Variants in SIX5 observed in about 807,000 individuals in gnomAD.
The protein encoded by SIX5 is homeobox protein SIX5.
A neutral mutation model predicts 37.1 loss-of-function variants in SIX5; 21 were observed. The ratio of observed to expected loss-of-function variants is 0.57; its 90% confidence interval spans 0.40 to 0.81. The LOEUF is 0.81. SIX5 is among the 40% of genes least tolerant of loss of function. The probability of loss-of-function intolerance (pLI) is 0.00; values close to 1 mark genes in which losing one functional copy is unlikely to be tolerated. For missense variants in SIX5, 1,137 were observed against 1,025.1 expected, an observed-to-expected ratio of 1.11 and a Z score of -1.49; for synonymous variants, 626 against 505.9, an observed-to-expected ratio of 1.24 and a Z score of -3.19.
rs1217748895 is a variant in SIX5, at chr19:45,766,095, G to A, written c.1626C>T (p.Ala542=). ...CGATGGGGCTGCCAGACACAGGGTT[G>A]GCCAGGAGGAAGTTTCCTGTGGGGA... ...SATAPGNFLL[A]NPVSGSPIVT... is the part of the protein sequence containing the mutation. The change falls in exon 3 of 3, where the codon GCC becomes GCT. Residue 542 remains alanine, a synonymous_variant. Coordinates refer to ENST00000317578, the MANE Select transcript of SIX5 (RefSeq NM_175875.5). The A allele has an allele frequency of 6.2e-7, 1 of 1,611,754 alleles. No homozygotes were observed. The highest frequency in any genetic ancestry group is 1.1e-5 in the South Asian group (1 of 90,708).
In SIX5 at chr19:45,765,320, C is replaced by T. The variant is rs1969046039; in HGVS notation, c.*181G>A. On this transcript the variant is annotated 3_prime_UTR_variant, in exon 3 of 3. Coordinates refer to ENST00000317578, the MANE Select transcript of SIX5 (RefSeq NM_175875.5). ...CCTCCCATCCAAAGGGGGATGGAGA[C>T]CTGGACAGGAGGTGGCCGGGGATAC... is the stretch of plus-strand genomic sequence containing the variant. The T allele has an allele frequency of 3.8e-5, 31 of 818,186 alleles. No individual in the cohort carries two copies. In the South Asian group the frequency reaches 4.1e-4, roughly 11 times the overall value. The allele number at this position is 818,186 out of a possible 1,614,324, so 50.7% of individuals were successfully genotyped here.
chr19:45,766,063 C>A lies in SIX5; in HGVS notation c.1658G>T (p.Gly553Val). The part of the protein sequence containing the change: ...NPVSGSPIVT[G>V]VALQQGKIIL... ...GATCTTGCCCTGCTGCAGGGCCACACCCGTCACGATGGGGCTGCCAGACAC... is the reference window on the plus strand; with the variant it reads ...GATCTTGCCCTGCTGCAGGGCCACAACCGTCACGATGGGGCTGCCAGACAC... Residue 553 changes from glycine to valine, a missense_variant, in exon 3 of 3, where the codon GGT becomes GTT. This residue lies in a region of SIX5 where 787 missense variants were observed against 621.4 expected (regional missense o/e 1.27). Transcript: ENST00000317578. 6.2e-7 allele frequency: 1 copy of A among 1,611,966 alleles called. No homozygotes were observed. Among genetic ancestry groups the A allele is most frequent in the Non-Finnish European group, 8.5e-7 (1 of 1,179,264 alleles).
In SIX5 at chr19:45,766,533, G is replaced by T. The variant is rs1337796364; in HGVS notation, c.1426C>A (p.Pro476Thr). The part of the protein sequence containing the change: ...LSPTSPLLNL[P>T]QVVPTSQVVT... The stretch of plus-strand genomic sequence containing the variant: ...ACCTGTGAGGTGGGTACTACCTGGG[G>T]CAGGTTCAATAGTGGGGAGGTGGGG... The change falls in exon 2 of 3, where the codon CCC (proline) becomes ACC (threonine). Residue 476 changes from proline (P) to threonine (T), a missense_variant. This residue lies in a region of SIX5 where 787 missense variants were observed against 621.4 expected (regional missense o/e 1.27). Transcript: ENST00000317578. The T allele has an allele frequency of 1.3e-6, 2 of 1,494,788 alleles. No homozygotes were observed. The highest frequency in any genetic ancestry group is 1.8e-6 in the Non-Finnish European group (2 of 1,114,966). The allele number at this position is 1,494,788 out of a possible 1,614,324, so 92.6% of individuals were successfully genotyped here. A position where few individuals can be genotyped will look rare whatever the true frequency, so the allele number is the denominator to read the frequency against.
chr19:45,766,778 C>A lies in SIX5; in HGVS notation c.1181G>T (p.Arg394Leu). Residue 394 changes from arginine (R) to leucine (L), a missense_variant, in exon 2 of 3, where the codon CGG becomes CTG. Arg to Leu is a moderately radical substitution (Grantham distance 102, BLOSUM62 -2). Transcript: ENST00000317578. ...GGCCTCCGACTGAGCCTCCTCCAGC[C>A]GCACCTCCCCTGTCTGAGGGTCCAG... ...LVLDPQTGEV[R>L]LEEAQSEAPE... The A allele has an allele frequency of 1.3e-6, 2 of 1,580,258 alleles. No homozygotes were observed. Among genetic ancestry groups the A allele is most frequent in the Non-Finnish European group, 1.7e-6 (2 of 1,166,186 alleles).
Position 45,768,463 on chromosome 19 carries a change from G to T in SIX5, c.382C>A (p.Arg128Ser), listed in dbSNP as rs1350446479. The T allele has an allele frequency of 1.4e-5, 21 of 1,529,640 alleles. No homozygotes were observed. Among genetic ancestry groups the T allele is most frequent in the Non-Finnish European group, 1.7e-5 (20 of 1,144,644 alleles). The allele number at this position is 1,529,640 out of a possible 1,614,324, so 94.8% of individuals were successfully genotyped here. ...ERLRGSDPVL[R>S]ARALVAFQRG... is the part of the protein sequence containing the mutation. ...TGGAAGGCCACCAGGGCCCGCGCGC[G>T]CAACACCGGGTCGCTGCCACGTAGG... The change falls in exon 1 of 3, where the codon CGC (arginine) becomes AGC (serine). Residue 128 changes from arginine to serine, a missense_variant. Coordinates refer to ENST00000317578, the MANE Select transcript of SIX5 (RefSeq NM_175875.5).
In SIX5 at chr19:45,766,492, C is replaced by A. The variant is rs1251188633; in HGVS notation, c.1467G>T (p.Gln489His). The A allele has an allele frequency of 2.6e-6, 4 of 1,517,926 alleles. No individual in the cohort carries two copies. The highest frequency in any genetic ancestry group is 3.5e-6 in the Non-Finnish European group (4 of 1,127,062). 94.0% of individuals were successfully genotyped at this position (1,517,926 alleles called of 1,614,324 possible). A position where few individuals can be genotyped will look rare whatever the true frequency, so the allele number is the denominator to read the frequency against. ...VPTSQVVTLP[Q>H]AVGPLQLLAA... is the part of the protein sequence containing the mutation. ...CCAACAGCTGCAGGGGCCCCACAGC[C>A]TGGGGCAGGGTCACCACCTGTGAGG... The change falls in exon 2 of 3, where the codon CAG (glutamine) becomes CAT (histidine). Residue 489 changes from glutamine (Q) to histidine (H), a missense_variant. Gln to His is a conservative substitution (Grantham distance 24). Transcript: ENST00000317578.
rs764032077 is a variant in SIX5, at chr19:45,766,850, G to C, written c.1109C>G (p.Pro370Arg). ...GCTGGCCCCCTGAGGGCTGGGCTGC[G>C]GTGGAGGGGCACCCCCGCCCCCAGT... ...LLTGGGGAPP[P>R]QPSPQGASET... Residue 370 changes from proline to arginine, a missense_variant, in exon 2 of 3, where the codon CCG (proline) becomes CGG (arginine). Pro to Arg is a moderately radical substitution (Grantham distance 103). This residue lies in a region of SIX5 where 787 missense variants were observed against 621.4 expected (regional missense o/e 1.27). Coordinates refer to ENST00000317578, the MANE Select transcript of SIX5 (RefSeq NM_175875.5). The C allele has an allele frequency of 1.3e-6, 2 of 1,542,530 alleles. No homozygotes were observed. Among genetic ancestry groups the C allele is most frequent in the South Asian group, 1.2e-5 (1 of 84,342 alleles).
At position 45,769,177 on chromosome 19, in the gene SIX5, T is replaced by G; in HGVS notation, c.-333A>C. ...GGACAACGCAGAAGGTAACGGGCCGTCCAGGAGGACTAAGGGCGCGAAGCC... is the reference window on the plus strand; with the variant it reads ...GGACAACGCAGAAGGTAACGGGCCGGCCAGGAGGACTAAGGGCGCGAAGCC... On this transcript the variant is annotated 5_prime_UTR_variant, in exon 1 of 3. Transcript: ENST00000317578. The G allele has an allele frequency of 3.3e-6, 1 of 306,182 alleles. No individual in the cohort carries two copies. The highest frequency in any genetic ancestry group is 6.1e-6 in the Non-Finnish European group (1 of 163,830). 19.0% of individuals were successfully genotyped at this position (306,182 alleles called of 1,614,324 possible). A position where few individuals can be genotyped will look rare whatever the true frequency, so the allele number is the denominator to read the frequency against.
chr19:45,765,679 G>A lies in SIX5; in HGVS notation c.2042C>T (p.Ala681Val), dbSNP rs776213851. ...LSAGTEGLLE[A>V]EKGLGTQAPH... ...GGCCTGTGTCCCCAGCCCCTTTTCC[G>A]CTTCCAGCAGCCCCTCTGTTCCTGC... The change falls in exon 3 of 3, where the codon GCG (alanine) becomes GTG (valine). Residue 681 changes from alanine (A) to valine (V), a missense_variant. This residue lies in a region of SIX5 where 787 missense variants were observed against 621.4 expected (regional missense o/e 1.27). Coordinates refer to ENST00000317578, the MANE Select transcript of SIX5 (RefSeq NM_175875.5). The A allele has an allele frequency of 3.2e-5, 52 of 1,612,584 alleles. No homozygotes were observed. The highest frequency in any genetic ancestry group is 3.3e-5 in the Admixed American group (2 of 60,006).
chr19:45,767,718 G>A (rs1465339713), intron 1 of SIX5: 3 of 433,168 alleles, frequency 6.9e-6, no homozygotes, highest in Middle Eastern at 6.0e-4. Context: ...CCTACGCGGA[G>A]TGGAGTGGCC....
rs1191643840 is a variant in SIX5 at position 45,768,060 on chromosome 19, C to T, written c.785G>A (p.Gly262Asp). ...CCCTCACCTCTTGCAGGGCGCGCCGCCTCCGGCCCCGGTCCGGTCGCGCTG... is the reference window on the plus strand; with the variant it reads ...CCCTCACCTCTTGCAGGGCGCGCCGTCTCCGGCCCCGGTCCGGTCGCGCTG... ...RRQRDRTGAG[G>D]GAPCKSESDG... is the part of the protein sequence containing the mutation. The change falls in exon 1 of 3, where the codon GGC becomes GAC. Residue 262 changes from glycine (G) to aspartate (D), a missense_variant. Gly to Asp is a moderately conservative substitution (Grantham distance 94). Around this residue, in one of 3 missense-constraint regions of SIX5, gnomAD observed 19 missense variants for 42.8 expected, o/e 0.44. Coordinates refer to ENST00000317578, the MANE Select transcript of SIX5 (RefSeq NM_175875.5). 3.1e-6 allele frequency: 5 copies of T among 1,597,258 alleles called. No homozygotes were observed. The highest frequency in any genetic ancestry group is 2.2e-5 in the East Asian group (1 of 44,792).
chr19:45,768,329 G>C lies in SIX5; in HGVS notation c.516C>G (p.Ala172=). Residue 172 remains alanine (A), a synonymous_variant, in exon 1 of 3, where the codon GCC becomes GCG. Transcript: ENST00000317578. ...DLYLRARYHE[A]ERARGRALGA... ...CAAGCGCGCGGCCGCGGGCCCGCTC[G>C]GCCTCATGGTAGCGCGCGCGCAGGT... The C allele has an allele frequency of 6.2e-7, 1 of 1,605,694 alleles. No homozygotes were observed. The highest frequency in any genetic ancestry group is 8.5e-7 in the Non-Finnish European group (1 of 1,176,950).
At position 45,767,844 on chromosome 19, in the gene SIX5, C is replaced by A. The variant is rs372575446; in HGVS notation, c.803+198G>T. The A allele has an allele frequency of 7.0e-4, 417 of 595,472 alleles. 3 individuals are homozygous for A. The African/African-American group carries it at 7.4e-3, about 10-fold the overall frequency. The allele number at this position is 595,472 out of a possible 1,614,324, so 36.9% of individuals were successfully genotyped here. ...GAGCCGCTGGAAGAGGAGACGCGTG[C>A]GGGGAGAGGGCCCGGGCGGGTGCCT... On this transcript the variant is annotated intron_variant, in intron 1 of 2. Coordinates refer to ENST00000317578, the MANE Select transcript of SIX5 (RefSeq NM_175875.5).
Position 45,768,947 on chromosome 19 carries a change from C to A in SIX5, c.-103G>T. The stretch of plus-strand genomic sequence containing the variant: ...CCCCTTTTCGCCCCCACTCCCCGCT[C>A]TTCTCGATCTTCTTTCTGGCCGACC... On this transcript the variant is annotated 5_prime_UTR_variant, in exon 1 of 3. Coordinates refer to ENST00000317578, the MANE Select transcript of SIX5 (RefSeq NM_175875.5). 9.0e-7 allele frequency: 1 copy of A among 1,108,282 alleles called. No individual in the cohort carries two copies. Among genetic ancestry groups the A allele is most frequent in the Non-Finnish European group, 1.3e-6 (1 of 784,394 alleles). 68.7% of individuals were successfully genotyped at this position (1,108,282 alleles called of 1,614,324 possible).
At position 45,765,442 on chromosome 19, in the gene SIX5, C is replaced by G; in HGVS notation, c.*59G>C. On this transcript the variant is annotated 3_prime_UTR_variant, in exon 3 of 3. Coordinates refer to ENST00000317578, the MANE Select transcript of SIX5 (RefSeq NM_175875.5). ...CCGCATTTCTGGGGCTCCCCCCTCC[C>G]ATTCCTGTCCCTGCGTCTTCAGCAC... 2 of 1,610,886 alleles carry G rather than the reference C, an allele frequency of 1.2e-6. No homozygotes were observed. The highest frequency in any genetic ancestry group is 1.7e-6 in the Non-Finnish European group (2 of 1,179,362).
Position 45,768,483 on chromosome 19 carries a change from C to T in SIX5, c.362G>A (p.Arg121His). ...LGALPPAERL[R>H]GSDPVLRARA... ...CGCGCGCAACACCGGGTCGCTGCCA[C>T]GTAGGCGCTCGGCCGGGGGCAGTGC... The change falls in exon 1 of 3, where the codon CGT becomes CAT. Residue 121 changes from arginine to histidine, a missense_variant. Arg to His is a conservative substitution (Grantham distance 29). Transcript: ENST00000317578. 1.3e-6 allele frequency: 2 copies of T among 1,523,262 alleles called. No individual in the cohort carries two copies. Among genetic ancestry groups the T allele is most frequent in the Non-Finnish European group, 1.8e-6 (2 of 1,141,700 alleles). The allele number at this position is 1,523,262 out of a possible 1,614,324, so 94.4% of individuals were successfully genotyped here.
At chr19:45,766,175 T>C (rs1294060849) in intron 2 of SIX5, 64 bp from the exon 3 acceptor site, 4 of 1,568,164 alleles carry the variant, frequency 2.6e-6, no homozygotes, top group African/African-American at 1.4e-5. Flanking sequence ...CAGAGAGAAG[T>C]GGAGACTGTG....
Position 45,769,103 on chromosome 19 carries a change from GCCTCCC to G in SIX5, c.-265_-260del. On this transcript the variant is annotated 5_prime_UTR_variant, in exon 1 of 3. Transcript: ENST00000317578. Reference sequence around the variant, plus strand: ...CCCTCCGCCTCTGGCCGCGCTTTCTGCCTCCCCCCAGCGTGTGCTTCTGGCTCAGGG... The same window carrying G: ...CCCTCCGCCTCTGGCCGCGCTTTCTGCCCAGCGTGTGCTTCTGGCTCAGGG... The G allele has an allele frequency of 6.3e-6, 3 of 479,684 alleles. No homozygotes were observed. The highest frequency in any genetic ancestry group is 7.4e-6 in the Non-Finnish European group (2 of 268,520). 29.7% of individuals were successfully genotyped at this position (479,684 alleles called of 1,614,324 possible).
Position 45,769,015 on chromosome 19 carries a change from GGTCTCT to G in SIX5, c.-177_-172del. On this transcript the variant is annotated 5_prime_UTR_variant, in exon 1 of 3. Coordinates refer to ENST00000317578, the MANE Select transcript of SIX5 (RefSeq NM_175875.5). ...AAGGCGAGATCCAGCTCTCCACTCG[GGTCTCT>G]GTCCCCTTGTGTGTGTCCGTCCCCC... The G allele has an allele frequency of 1.6e-6, 1 of 629,108 alleles. No homozygotes were observed. Among genetic ancestry groups the G allele is most frequent in the African/African-American group, 1.9e-5 (1 of 53,874 alleles). The allele number at this position is 629,108 out of a possible 1,614,324, so 39.0% of individuals were successfully genotyped here. A position where few individuals can be genotyped will look rare whatever the true frequency, so the allele number is the denominator to read the frequency against.
Sources: allele counts gnomAD v4.1 joint callset, GRCh38; gene constraint gnomAD v4.1.1; regional missense constraint gnomAD v4.1.1; transcripts MANE v1.5; gene names NCBI Gene and HGNC (gene_info 2026-07-23, HGNC 2026-07-21).